Variants in B3GALT1 observed in about 807,000 individuals in gnomAD.
B3GALT1 encodes the protein beta-1,3-galactosyltransferase 1, also known as UDP-Gal:betaGlcNAc beta 1,3-galactosyltransferase, polypeptide 1.
B3GALT1 carries 10 observed loss-of-function variants against 23.2 expected under a neutral mutation model. The observed-to-expected ratio is 0.43, with a 90% CI of 0.27 to 0.73. The LOEUF (loss-of-function observed/expected upper bound fraction) is 0.73, where lower values mean the gene tolerates loss of function less well. B3GALT1 is among the 30% of genes least tolerant of loss of function. The probability of loss-of-function intolerance (pLI) is 0.21; values close to 1 mark genes in which losing one functional copy is unlikely to be tolerated. For missense variants in B3GALT1, 299 were observed against 405.4 expected (o/e 0.74, Z 2.25); for synonymous variants, 156 against 141.5 (o/e 1.10, Z -0.73).
intron 1 of B3GALT1, among the ~76,000 whole-genome samples, chr2:167,457,601 C>T (rs1312622754): frequency 6.6e-6 from 1 of 151,950 alleles, no homozygotes; most frequent in Non-Finnish European, 1.5e-5. Flanking sequence ...CATAATCCAT[C>T]ACCAATTTTG....
chr2:167,456,724 G>A (rs750584448), intron 1 of B3GALT1, among the ~76,000 whole-genome samples: 1 of 151,984 alleles, frequency 6.6e-6, no homozygotes, highest in Non-Finnish European at 1.5e-5. Context: ...AGGATACAAC[G>A]CAAGAACAGT....
At chr2:167,497,053 A>AT (rs1452203760) in intron 2 of B3GALT1, among the ~76,000 whole-genome samples, 3 of 150,824 alleles carry the variant, frequency 2.0e-5, no homozygotes, top group Non-Finnish European at 4.4e-5. Context: ...TTAAACTATA[A>AT]TAAAAAAAAA....
intron 3 of B3GALT1, among the ~76,000 whole-genome samples, chr2:167,805,587 C>A (rs994862470): frequency 6.4e-4 from 97 of 152,260 alleles, no homozygotes; most frequent in Non-Finnish European, 1.2e-3. Flanking sequence ...AATAGGGAAT[C>A]CTTTCCCCAT....
At chr2:167,295,057 C>T (rs1473676988) in intron 1 of B3GALT1, among the ~76,000 whole-genome samples, 1 of 152,114 alleles carries the variant, frequency 6.6e-6, no homozygotes, top group Non-Finnish European at 1.5e-5. Context: ...TCTATTTTCT[C>T]CCAATTTAAC....
At chr2:167,382,703 T>C (rs112959948) in intron 1 of B3GALT1, among the ~76,000 whole-genome samples, 259 of 152,312 alleles carry the variant, frequency 1.7e-3, no homozygotes, top group African/African-American at 5.8e-3. Context: ...GTTTTCTTTA[T>C]TGGTGAAATG....
At chr2:167,734,365 TG>T (rs1687459804) in intron 3 of B3GALT1, among the ~76,000 whole-genome samples, 1 of 152,218 alleles carries the variant, frequency 6.6e-6, no homozygotes, top group Non-Finnish European at 1.5e-5. Context: ...TGTTTGTTTG[TG>T]GCTGCCACTG....
At chr2:167,707,346 G>T (rs773066198) in intron 3 of B3GALT1, among the ~76,000 whole-genome samples, 1 of 151,926 alleles carries the variant, frequency 6.6e-6, no homozygotes, top group Non-Finnish European at 1.5e-5. Context: ...ACAGATATGC[G>T]TTTGCTGCCA....
chr2:167,788,312 A>G (rs1688376891), intron 3 of B3GALT1, among the ~76,000 whole-genome samples: 1 of 152,060 alleles, frequency 6.6e-6, no homozygotes. Context: ...ATTCAAGCAC[A>G]TTACACTTAT....
intron 3 of B3GALT1, among the ~76,000 whole-genome samples, chr2:167,728,172 G>C (rs1407326196): frequency 6.6e-6 from 1 of 152,314 alleles, no homozygotes; most frequent in South Asian, 2.1e-4. Context: ...CGGATCACCT[G>C]AGGTCAGGAG....
At chr2:167,658,483 G>C (rs537219294) in intron 3 of B3GALT1, among the ~76,000 whole-genome samples, 56 of 152,134 alleles carry the variant, frequency 3.7e-4, no homozygotes, top group Admixed American at 1.2e-3. Context: ...AATAACAAAA[G>C]AGAAGAACTA....
At chr2:167,538,841 A>G (rs1307749455) in intron 2 of B3GALT1, among the ~76,000 whole-genome samples, 1 of 152,180 alleles carries the variant, frequency 6.6e-6, no homozygotes, top group Non-Finnish European at 1.5e-5. Flanking sequence ...GTTTTCACAC[A>G]CAAAAACTAT....
chr2:167,404,590 G>A (rs553591275), intron 1 of B3GALT1, among the ~76,000 whole-genome samples: 8 of 152,146 alleles, frequency 5.3e-5, no homozygotes, highest in Middle Eastern at 3.4e-3. Flanking sequence ...AAGATGCATC[G>A]CAGTCAGTAT....
intron 1 of B3GALT1, among the ~76,000 whole-genome samples, chr2:167,305,837 C>A (rs1696543474): frequency 6.6e-6 from 1 of 152,002 alleles, no homozygotes; most frequent in East Asian, 1.9e-4. Context: ...AGATTTTCTC[C>A]TTTGCCATCC....
At chr2:167,686,794 G>A (rs1310276504) in intron 3 of B3GALT1, among the ~76,000 whole-genome samples, 1 of 152,110 alleles carries the variant, frequency 6.6e-6, no homozygotes, top group Non-Finnish European at 1.5e-5. Flanking sequence ...AGGAGACCAA[G>A]CCTAAACTTG....
At chr2:167,303,682 C>CTCACAG (rs1696497374) in intron 1 of B3GALT1, among the ~76,000 whole-genome samples, 1 of 148,724 alleles carries the variant, frequency 6.7e-6, no homozygotes, top group African/African-American at 2.5e-5. Context: ...CACACACACA[C>CTCACAG]AGAGAGAGAC....
chr2:167,665,083 G>A (rs1686148518), intron 3 of B3GALT1, among the ~76,000 whole-genome samples: 1 of 152,048 alleles, frequency 6.6e-6, no homozygotes, highest in South Asian at 2.1e-4. Flanking sequence ...AATTCAGTAT[G>A]ATATTGGCTG....
intron 1 of B3GALT1, among the ~76,000 whole-genome samples, chr2:167,396,692 C>T (rs1359138142): frequency 6.6e-6 from 1 of 151,722 alleles, no homozygotes; most frequent in Admixed American, 6.6e-5. Context: ...GAGACATCAA[C>T]ACAGAAGAGC....
intron 2 of B3GALT1, among the ~76,000 whole-genome samples, chr2:167,570,188 A>G (rs1684264304): frequency 6.6e-6 from 1 of 151,840 alleles, no homozygotes; most frequent in Non-Finnish European, 1.5e-5. Flanking sequence ...GAATGGGTTA[A>G]GAATTACTTT....
At chr2:167,373,757 C>T (rs1178466489) in intron 1 of B3GALT1, among the ~76,000 whole-genome samples, 1 of 152,122 alleles carries the variant, frequency 6.6e-6, no homozygotes, top group East Asian at 1.9e-4. Flanking sequence ...TGGGGTTTCT[C>T]CATTTTGGCC....
Sources: gnomAD v4.1 joint callset for allele counts (sites outside exome capture counted in the v4.1 genomes callset) on GRCh38, gnomAD v4.1.1 for gene constraint, MANE v1.5 for transcripts, NCBI Gene and HGNC (gene_info 2026-07-23, HGNC 2026-07-21) for gene names.